Variants in MACROD2 observed in about 807,000 individuals in gnomAD.
The protein encoded by MACROD2 is mono-ADP ribosylhydrolase 2.
MACROD2 carries 36 observed loss-of-function variants against 70.4 expected under a neutral mutation model. The observed-to-expected ratio is 0.51, with a 90% CI of 0.39 to 0.68. The LOEUF is 0.68. Ranked by LOEUF, MACROD2 falls within the 30% of genes least tolerant of loss-of-function variation. The pLI is 0.00. For synonymous variants in MACROD2, 172 were observed against 178.8 expected (o/e 0.96, Z 0.30); for missense variants, 496 against 538.4 (o/e 0.92, Z 0.78).
At chr20:14,193,681 A>G (rs2081407082) in intron 3 of MACROD2, among the ~76,000 whole-genome samples, 2 of 152,222 alleles carry the variant, frequency 1.3e-5, no homozygotes, top group Admixed American at 1.3e-4. Flanking sequence ...AGCTATAGTC[A>G]GAGATGAAAC....
At chr20:14,012,898 C>T (rs1377836446) in intron 2 of MACROD2, among the ~76,000 whole-genome samples, 1 of 152,118 alleles carries the variant, frequency 6.6e-6, no homozygotes, top group East Asian at 1.9e-4. Context: ...ACAGTATGTA[C>T]TGTGGTTAAT....
intron 3 of MACROD2, among the ~76,000 whole-genome samples, chr20:14,334,239 T>C (rs2122629630): frequency 6.6e-6 from 1 of 152,334 alleles, no homozygotes; most frequent in African/African-American, 2.4e-5. Flanking sequence ...GAAAACTGTC[T>C]TTTAGTGTGA....
At chr20:15,179,252 G>A (rs925274768) in intron 5 of MACROD2, among the ~76,000 whole-genome samples, 1 of 152,106 alleles carries the variant, frequency 6.6e-6, no homozygotes, top group African/African-American at 2.4e-5. Context: ...TAAAATTTGT[G>A]CACTTTACCT....
chr20:14,746,021 G>T (rs201913847), intron 5 of MACROD2, among the ~76,000 whole-genome samples: 3 of 151,956 alleles, frequency 2.0e-5, no homozygotes, highest in African/African-American at 7.3e-5. Context: ...CCCACACCCC[G>T]CCCCAATGCT....
rs565501902 is a variant in MACROD2 at position 14,735,077 on chromosome 20, A to G, written c.418+50118A>G. On this transcript the variant is annotated intron_variant, in intron 5 of 17. Transcript: ENST00000684519. ...AAGTCTTCATGACTTAGAGTTGGTG[A>G]TGGATTCTTACATATGACACCAACA... 2.6e-5 allele frequency among the ~76,000 whole-genome samples: 4 copies of G among 152,288 alleles called. No individual in the cohort carries two copies. The East Asian group carries it at 5.8e-4, about 22-fold the overall frequency.
At chr20:15,469,179 A>C (rs1568830582) in intron 7 of MACROD2, among the ~76,000 whole-genome samples, 1 of 152,186 alleles carries the variant, frequency 6.6e-6, no homozygotes, top group Non-Finnish European at 1.5e-5. Context: ...ATCCTATAAG[A>C]GATTACTGCT....
At chr20:14,399,293 T>C (rs13040337) in intron 3 of MACROD2, among the ~76,000 whole-genome samples, 24,602 of 152,124 alleles carry the variant, frequency 0.16, 2,648 homozygotes, top group Non-Finnish European at 0.23. Flanking sequence ...ACTGCCACCG[T>C]GCCTGGCCTG....
chr20:14,790,439 A>G, intron 5 of MACROD2, among the ~76,000 whole-genome samples: 1 of 151,818 alleles, frequency 6.6e-6, no homozygotes, highest in East Asian at 1.9e-4. Flanking sequence ...CATAAAAGGG[A>G]TGATAACCAA....
chr20:14,935,023 TC>T (rs2074328511), intron 5 of MACROD2: 1 of 151,588 alleles, frequency 6.6e-6, no homozygotes, highest in Admixed American at 6.6e-5. Flanking sequence ...ATTGATGAAA[TC>T]CATAAAGATC....
intron 5 of MACROD2, among the ~76,000 whole-genome samples, chr20:15,192,234 T>C (rs1290417011): frequency 6.6e-6 from 1 of 152,202 alleles, no homozygotes; most frequent in African/African-American, 2.4e-5. Flanking sequence ...TCTCATTGTT[T>C]GTACATGTAA....
rs187719457 is a variant in MACROD2 at position 14,152,629 on chromosome 20, G to C, written c.271+66901G>C. Among the ~76,000 whole-genome samples, 179 of 152,134 alleles carry C rather than the reference G, an allele frequency of 1.2e-3. 2 individuals are homozygous for C. Among genetic ancestry groups the C allele is most frequent in the Non-Finnish European group, 1.9e-3 (126 of 67,998 alleles). ...TTTAGTAGAGATGGGGTTTTGCTACGTTGGCCAGGCGGGTTTCGAACTCCT... is the reference window on the plus strand; with the variant it reads ...TTTAGTAGAGATGGGGTTTTGCTACCTTGGCCAGGCGGGTTTCGAACTCCT... On this transcript the variant is annotated intron_variant, in intron 3 of 17. Transcript: ENST00000684519.
At chr20:15,125,597 C>G (rs2076060637) in intron 5 of MACROD2, among the ~76,000 whole-genome samples, 1 of 151,914 alleles carries the variant, frequency 6.6e-6, no homozygotes, top group South Asian at 2.1e-4. Context: ...GTATTTGATA[C>G]CTTGAATGGA....
chr20:15,193,366 A>G (rs16995419), intron 5 of MACROD2, among the ~76,000 whole-genome samples: 1,960 of 152,286 alleles, frequency 0.013, 38 homozygotes, highest in African/African-American at 0.043. Flanking sequence ...AAAGAATGGT[A>G]GCTAACATAC....
intron 15 of MACROD2, among the ~76,000 whole-genome samples, chr20:16,007,258 A>G (rs1377653550): frequency 6.6e-6 from 1 of 152,260 alleles, no homozygotes; most frequent in African/African-American, 2.4e-5. Context: ...AAATTACAGT[A>G]GAGTTTCACT....
chr20:14,925,394 C>T (rs2074217982), intron 5 of MACROD2, among the ~76,000 whole-genome samples: 1 of 152,170 alleles, frequency 6.6e-6, no homozygotes, highest in African/African-American at 2.4e-5. Context: ...ATCCACTGCA[C>T]CCAATCACCA....
chr20:14,905,662 C>T (rs1483464778), intron 5 of MACROD2: 1 of 152,236 alleles, frequency 6.6e-6, no homozygotes, highest in East Asian at 1.9e-4. Context: ...CTGGAACATC[C>T]CGATTCTCAT....
At chr20:14,883,211 G>A (rs960877500) in intron 5 of MACROD2, among the ~76,000 whole-genome samples, 13 of 152,096 alleles carry the variant, frequency 8.5e-5, no homozygotes, top group Non-Finnish European at 1.5e-4. Flanking sequence ...GGGAAATGCT[G>A]GTAATTAATA....
At chr20:14,528,688 C>T (rs1446809025) in intron 4 of MACROD2, among the ~76,000 whole-genome samples, 2 of 151,982 alleles carry the variant, frequency 1.3e-5, no homozygotes, top group Non-Finnish European at 2.9e-5. Context: ...CAACATTTCT[C>T]GATCTCATTT....
At chr20:14,607,678 G>T (rs1982894717) in intron 4 of MACROD2, among the ~76,000 whole-genome samples, 1 of 152,148 alleles carries the variant, frequency 6.6e-6, no homozygotes. Context: ...AAATAAAACA[G>T]ATTTCCTTTG....
Sources: allele counts gnomAD v4.1 joint callset (sites outside exome capture counted in the v4.1 genomes callset), GRCh38; gene constraint gnomAD v4.1.1; transcripts MANE v1.5; gene names NCBI Gene and HGNC (gene_info 2026-07-23, HGNC 2026-07-21).